DPY19L3: variants seen among roughly 807,000 people sequenced by gnomAD.
DPY19L3 encodes protein C-mannosyl-transferase DPY19L3.
Under a neutral mutation model 92.3 loss-of-function variants are expected in DPY19L3, and 51 were observed. The observed-to-expected ratio is 0.55, with a 90% CI of 0.44 to 0.70. DPY19L3 has a LOEUF of 0.70. DPY19L3 is among the 30% of genes least tolerant of loss of function. DPY19L3 has a pLI of 0.00. For missense variants in DPY19L3, 706 were observed against 855.9 expected (o/e 0.82, Z 2.18); for synonymous variants, 309 against 315.2 (o/e 0.98, Z 0.21).
chr19:32,464,584 C>T (rs1970144638), intron 14 of DPY19L3, 144 bp from the exon 15 acceptor site: 2 of 473,326 alleles, frequency 4.2e-6, no homozygotes, highest in East Asian at 7.5e-5. Context: ...CTCCTATAAT[C>T]CTAGCTGCTC....
chr19:32,479,674 C>A, intron 17 of DPY19L3: 1 of 384,804 alleles, frequency 2.6e-6, no homozygotes, highest in Admixed American at 3.1e-5. Flanking sequence ...CCACATTCAA[C>A]ACCTCACACA....
intron 3 of DPY19L3, among the ~76,000 whole-genome samples, chr19:32,429,905 G>A (rs936159519): frequency 1.6e-4 from 25 of 152,132 alleles, no homozygotes; most frequent in Admixed American, 1.4e-3. Flanking sequence ...AGTGATACCA[G>A]GTTGGTTTTA....
chr19:32,420,493 G>A (rs1042355738), intron 3 of DPY19L3, among the ~76,000 whole-genome samples: 1 of 152,018 alleles, frequency 6.6e-6, no homozygotes, highest in African/African-American at 2.4e-5. Context: ...CGCCCAGGCT[G>A]GGGTACAGTA....
At chr19:32,481,964 A>T in intron 18 of DPY19L3, 115 bp from the exon 19 acceptor site, 1 of 1,199,832 alleles carries the variant, frequency 8.3e-7, no homozygotes, top group East Asian at 2.4e-5. Context: ...TTGAAATAAT[A>T]TAATTTAATT....
At chr19:32,445,075 CAA>C (rs771623749) in intron 8 of DPY19L3, among the ~76,000 whole-genome samples, 2 of 54,556 alleles carry the variant, frequency 3.7e-5, no homozygotes, top group African/African-American at 6.3e-5. Flanking sequence ...GACCCAGTCT[CAA>C]AAAAAAAAAA....
chr19:32,440,833 G>A (rs556947062), intron 8 of DPY19L3, among the ~76,000 whole-genome samples: 1 of 152,212 alleles, frequency 6.6e-6, no homozygotes, highest in African/African-American at 2.4e-5. Context: ...TCTAAAAGAA[G>A]AAAAGTTATT....
intron 18 of DPY19L3, 184 bp from the exon 19 acceptor site, chr19:32,481,895 G>C: frequency 3.1e-6 from 2 of 639,572 alleles, no homozygotes; most frequent in Non-Finnish European, 5.2e-6. Flanking sequence ...CTCAGCCTTG[G>C]TCTGCACTTC....
intron 6 of DPY19L3, among the ~76,000 whole-genome samples, chr19:32,437,879 G>T (rs1212835399): frequency 6.6e-6 from 1 of 151,368 alleles, no homozygotes; most frequent in Non-Finnish European, 1.5e-5. Flanking sequence ...TCCCTATGTT[G>T]CCCAGGCTGG....
chr19:32,406,552 CTG>C (rs532154123), intron 1 of DPY19L3, among the ~76,000 whole-genome samples: 157 of 151,994 alleles, frequency 1.0e-3, no homozygotes, highest in Non-Finnish European at 1.5e-3. Context: ...GGGTCTCGCT[CTG>C]TTCCCCAGGC....
intron 3 of DPY19L3, among the ~76,000 whole-genome samples, chr19:32,421,894 A>G: frequency 6.6e-6 from 1 of 152,128 alleles, no homozygotes; most frequent in East Asian, 1.9e-4. Flanking sequence ...TTAAGAGGAC[A>G]GGAATGAAGG....
intron 12 of DPY19L3, among the ~76,000 whole-genome samples, chr19:32,459,063 C>G (rs1364172056): frequency 2.0e-5 from 3 of 152,092 alleles, no homozygotes; most frequent in Non-Finnish European, 4.4e-5. Flanking sequence ...TGTTTTCTTG[C>G]ATCTTGCTTC....
chr19:32,473,356 G>A (rs1423241237), intron 16 of DPY19L3, among the ~76,000 whole-genome samples: 1 of 152,096 alleles, frequency 6.6e-6, no homozygotes, highest in African/African-American at 2.4e-5. Flanking sequence ...AAATTGCTTT[G>A]TTTTTCTATA....
At chr19:32,447,910 C>G (rs983489835) in intron 8 of DPY19L3, among the ~76,000 whole-genome samples, 7 of 151,970 alleles carry the variant, frequency 4.6e-5, no homozygotes, top group African/African-American at 7.3e-5. Context: ...CCATAATTAC[C>G]TTGGAACATT....
At chr19:32,455,143 T>C (rs1466451556) in intron 10 of DPY19L3, 103 bp downstream of exon 10, 5 of 785,816 alleles carry the variant, frequency 6.4e-6, no homozygotes, top group East Asian at 6.4e-5. Context: ...ACTAATTGTT[T>C]TAGAGACAGG....
intron 10 of DPY19L3, among the ~76,000 whole-genome samples, chr19:32,457,632 C>A (rs1313169076): frequency 1.3e-5 from 2 of 152,148 alleles, no homozygotes; most frequent in African/African-American, 2.4e-5. Context: ...TTCAGGGTTA[C>A]AACTGTCTTG....
intron 1 of DPY19L3, chr19:32,406,172 C>T: frequency 6.6e-6 from 1 of 152,034 alleles, no homozygotes; most frequent in Non-Finnish European, 1.5e-5. Flanking sequence ...CGAGGCAGGG[C>T]CTGGGCTGCG....
chr19:32,468,026 T>C (rs1970248311), intron 15 of DPY19L3: 2 of 984,974 alleles, frequency 2.0e-6, no homozygotes. Flanking sequence ...TATATTAATA[T>C]ATGTCAAACC....
intron 3 of DPY19L3, among the ~76,000 whole-genome samples, chr19:32,420,251 A>G (rs1968523776): frequency 6.6e-6 from 1 of 152,032 alleles, no homozygotes; most frequent in Non-Finnish European, 1.5e-5. Context: ...CAATAGAGTC[A>G]ACTGCTGGGG....
intron 3 of DPY19L3, among the ~76,000 whole-genome samples, chr19:32,425,676 G>A (rs973530260): frequency 1.3e-5 from 2 of 152,144 alleles, no homozygotes; most frequent in African/African-American, 4.8e-5. Flanking sequence ...TTATCAATGA[G>A]CAGTAGTATT....
Sources: gnomAD v4.1 joint callset for allele counts (sites outside exome capture counted in the v4.1 genomes callset) on GRCh38, gnomAD v4.1.1 for gene constraint, MANE v1.5 for transcripts, NCBI Gene and HGNC (gene_info 2026-07-23, HGNC 2026-07-21) for gene names.